Variants in CFAP221 observed in about 807,000 individuals in gnomAD.
CFAP221 encodes cilia- and flagella-associated protein 221.
Under a neutral mutation model 113.1 loss-of-function variants are expected in CFAP221, and 97 were observed. That is an observed-to-expected ratio of 0.86 (90% confidence interval 0.73 to 1.02). The LOEUF (loss-of-function observed/expected upper bound fraction) is 1.02. CFAP221 is among the 50% of genes least tolerant of loss of function. CFAP221 has a pLI of 0.00. For synonymous variants in CFAP221, 331 were observed against 354.4 expected, an observed-to-expected ratio of 0.93 and a Z score of 0.74; for missense variants, 1,025 against 1,013.4, an observed-to-expected ratio of 1.01 and a Z score of -0.16.
intron 19 of CFAP221, 64 bp from the exon 20 acceptor site, chr2:119,638,195 C>T: frequency 6.4e-7 from 1 of 1,551,298 alleles, no homozygotes. Context: ...TAGCTGATGC[C>T]TGTCCTATGC....
At chr2:119,625,814 T>C (rs1278103501) in intron 15 of CFAP221, 126 bp downstream of exon 15, 1 of 703,692 alleles carries the variant, frequency 1.4e-6, no homozygotes, top group Non-Finnish European at 2.4e-6. Context: ...GTTAGTTTCC[T>C]ATCCTTGCTA....
intron 6 of CFAP221, among the ~76,000 whole-genome samples, chr2:119,562,917 C>T (rs1407034671): frequency 1.3e-5 from 2 of 151,968 alleles, no homozygotes; most frequent in South Asian, 2.1e-4. Context: ...TGTAGGAGGC[C>T]GAGGCAGAGG....
intron 20 of CFAP221, 131 bp downstream of exon 20, chr2:119,638,548 C>T (rs1687260852): frequency 8.4e-7 from 1 of 1,189,030 alleles, no homozygotes. Flanking sequence ...AATGGTAACA[C>T]CGCCCCTCAT....
chr2:119,647,371 A>C (rs189158089), intron 22 of CFAP221, among the ~76,000 whole-genome samples: 109 of 152,300 alleles, frequency 7.2e-4, no homozygotes, highest in Admixed American at 7.2e-4. Context: ...GATAGGTAGG[A>C]CTTGGATGGG....
intron 14 of CFAP221, among the ~76,000 whole-genome samples, chr2:119,618,787 A>G (rs1685693977): frequency 6.6e-6 from 1 of 152,138 alleles, no homozygotes; most frequent in African/African-American, 2.4e-5. Context: ...CAAGTCATCT[A>G]GCTCGGCGAA....
intron 12 of CFAP221, among the ~76,000 whole-genome samples, chr2:119,609,118 T>C (rs1352641291): frequency 6.6e-6 from 1 of 152,150 alleles, no homozygotes; most frequent in African/African-American, 2.4e-5. Context: ...CCCTGTAGGT[T>C]CAGGGATGGG....
chr2:119,614,998 T>A (rs1448759578), intron 13 of CFAP221, among the ~76,000 whole-genome samples: 1 of 152,222 alleles, frequency 6.6e-6, no homozygotes, highest in African/African-American at 2.4e-5. Context: ...ATAACTGATC[T>A]TCTTCCCTCT....
intron 7 of CFAP221, among the ~76,000 whole-genome samples, chr2:119,593,798 ACTGCACTCCTGC>A (rs1420858368): frequency 6.6e-6 from 1 of 152,084 alleles, no homozygotes; most frequent in African/African-American, 2.4e-5. Flanking sequence ...AGATGGCACC[ACTGCACTCCTGC>A]CTGGGCAACA....
chr2:119,551,260 A>G (rs1345146870), intron 3 of CFAP221, among the ~76,000 whole-genome samples: 1 of 152,196 alleles, frequency 6.6e-6, no homozygotes. Flanking sequence ...CCTTGGAGAT[A>G]TACATAGGAG....
downstream of CFAP221, among the ~76,000 whole-genome samples, chr2:119,658,284 G>T (rs1319272521): frequency 6.6e-6 from 1 of 152,190 alleles, no homozygotes; most frequent in Non-Finnish European, 1.5e-5. Context: ...CACTACCGTT[G>T]TTTATTTTGT....
chr2:119,647,920 A>G (rs1428510899), intron 22 of CFAP221, among the ~76,000 whole-genome samples: 1 of 152,224 alleles, frequency 6.6e-6, no homozygotes, highest in Admixed American at 6.5e-5. Context: ...AATGTTGTAT[A>G]GAATAGTGTG....
At chr2:119,553,355 G>A (rs1013069944) in intron 3 of CFAP221, among the ~76,000 whole-genome samples, 7 of 152,154 alleles carry the variant, frequency 4.6e-5, no homozygotes, top group African/African-American at 1.7e-4. Flanking sequence ...GCTTTGGAGC[G>A]GGTAATGGAG....
chr2:119,615,179 C>T (rs972591634), intron 13 of CFAP221, among the ~76,000 whole-genome samples: 1 of 152,190 alleles, frequency 6.6e-6, no homozygotes, highest in African/African-American at 2.4e-5. Context: ...ACACTGGTGC[C>T]CAGGACATGC....
chr2:119,604,441 A>G (rs915621884), intron 8 of CFAP221, among the ~76,000 whole-genome samples: 2 of 152,070 alleles, frequency 1.3e-5, no homozygotes, highest in African/African-American at 4.8e-5. Context: ...TCAAAAAAAA[A>G]GAATGTAAGG....
At chr2:119,611,877 GA>G in intron 13 of CFAP221, 135 bp downstream of exon 13, 1 of 738,724 alleles carries the variant, frequency 1.4e-6, no homozygotes, top group Non-Finnish European at 2.3e-6. Context: ...TACATTTTCA[GA>G]ATGTTACCAT....
At chr2:119,588,886 T>C (rs1315921322) in intron 7 of CFAP221, among the ~76,000 whole-genome samples, 1 of 151,576 alleles carries the variant, frequency 6.6e-6, no homozygotes, top group Non-Finnish European at 1.5e-5. Context: ...TGGGAGTGAG[T>C]GTGGATAGAG....
chr2:119,607,864 A>C (rs1684877632), intron 11 of CFAP221, among the ~76,000 whole-genome samples: 1 of 152,352 alleles, frequency 6.6e-6, no homozygotes, highest in African/African-American at 2.4e-5. Flanking sequence ...TGGCTGAATA[A>C]TCTCATTGAA....
intron 3 of CFAP221, among the ~76,000 whole-genome samples, chr2:119,559,173 G>T (rs1467980763): frequency 6.6e-6 from 1 of 152,216 alleles, no homozygotes; most frequent in East Asian, 1.9e-4. Context: ...CACTGTCAGA[G>T]AATTCCCACC....
intron 7 of CFAP221, among the ~76,000 whole-genome samples, chr2:119,588,201 A>G (rs1481478395): frequency 1.3e-5 from 2 of 152,312 alleles, no homozygotes; most frequent in Admixed American, 6.5e-5. Context: ...CTGATGGTCC[A>G]TAATTCTATT....
Sources: allele counts gnomAD v4.1 joint callset (sites outside exome capture counted in the v4.1 genomes callset), GRCh38; gene constraint gnomAD v4.1.1; transcripts MANE v1.5; gene names NCBI Gene and HGNC (gene_info 2026-07-23, HGNC 2026-07-21).